Variants in FOXN4 observed in about 807,000 individuals in gnomAD.
FOXN4 encodes the protein forkhead box N4.
A neutral mutation model predicts 45.0 loss-of-function variants in FOXN4; 12 were observed. That is an observed-to-expected ratio of 0.27 (90% CI 0.17 to 0.43). The LOEUF is 0.43. FOXN4 is among the 20% of genes least tolerant of loss of function. The pLI is 1.00. For synonymous variants in FOXN4, 297 were observed against 295.0 expected (o/e 1.01, Z -0.07); for missense variants, 560 against 694.9 (o/e 0.81, Z 2.18).
At chr12:109,306,153 T>C (rs1049193454) in intron 2 of FOXN4, among the ~76,000 whole-genome samples, 6 of 152,110 alleles carry the variant, frequency 3.9e-5, no homozygotes, top group African/African-American at 1.4e-4. Context: ...GAGCCCTCCA[T>C]AGACGCGTCT....
rs144303717 is a variant in FOXN4, at chr12:109,288,924, T to C, written c.233-744A>G. On this transcript the variant is annotated intron_variant, in intron 3 of 9. Coordinates refer to ENST00000299162, the MANE Select transcript of FOXN4 (RefSeq NM_213596.3). This position sits in a 1 kb window ranked among gnomAD's most constrained non-coding sequence, Gnocchi z 4.3. ...TCTGTTTGTCTTGTCCTTCTCTCTC[T>C]GACCAGATCATCAGCTTTCTAAGAA... 2.4e-4 allele frequency among the ~76,000 whole-genome samples: 36 copies of C among 152,358 alleles called. No homozygotes were observed. The highest frequency in any genetic ancestry group is 4.0e-4 in the Non-Finnish European group (27 of 68,032).
chr12:109,308,731 T>C (rs1401822078), intron 1 of FOXN4, among the ~76,000 whole-genome samples: 2 of 151,550 alleles, frequency 1.3e-5, no homozygotes, highest in African/African-American at 4.9e-5. Context: ...GGATGTGACA[T>C]GTGTATTTCT....
Position 109,288,301 on chromosome 12 carries a change from A to G in FOXN4, c.233-121T>C. 2 of 1,352,578 alleles carry G rather than the reference A, an allele frequency of 1.5e-6. No individual in the cohort carries two copies. Among genetic ancestry groups the G allele is most frequent in the South Asian group, 1.4e-5 (1 of 71,118 alleles). The allele number at this position is 1,352,578 out of a possible 1,614,324, so 83.8% of individuals were successfully genotyped here. On this transcript the variant is annotated intron_variant, in intron 3 of 9. Transcript: ENST00000299162. The surrounding 1 kb of genome is among the most constrained non-coding windows in gnomAD (Gnocchi z 4.3). ...CAGCCCCTTTCCTCGGACCAGGCAC[A>G]TAGTAGGTGCTTGGCAAATCACTTC...
At chr12:109,305,573 A>T (rs1158471584) in intron 2 of FOXN4, among the ~76,000 whole-genome samples, 3 of 152,100 alleles carry the variant, frequency 2.0e-5, no homozygotes, top group African/African-American at 7.2e-5. Context: ...TCTACTAAAA[A>T]TAAAAAATTA....
At chr12:109,286,096 A>G (rs2047707632) in intron 7 of FOXN4, among the ~76,000 whole-genome samples, 1 of 152,176 alleles carries the variant, frequency 6.6e-6, no homozygotes, top group African/African-American at 2.4e-5. Flanking sequence ...GTGTGCACAC[A>G]CACTGTACTG....
chr12:109,287,793 C>A lies in FOXN4; in HGVS notation c.468+51G>T. The A allele has an allele frequency of 6.7e-7, 1 of 1,485,900 alleles. No individual in the cohort carries two copies. 92.0% of individuals were successfully genotyped at this position (1,485,900 alleles called of 1,614,324 possible). A position where few individuals can be genotyped will look rare whatever the true frequency, so the allele number is the denominator to read the frequency against. ...GGCTCAGAGGGGTCCCCGGCCAGCC[C>A]AAGGCAGGGTGTCTGCTGCTCAGTC... On this transcript the variant is annotated intron_variant, in intron 5 of 9. Transcript: ENST00000299162. The surrounding 1 kb of genome is among the most constrained non-coding windows in gnomAD (Gnocchi z 4.1).
At position 109,290,992 on chromosome 12, in the gene FOXN4, C is replaced by T. The variant is rs530718086; in HGVS notation, c.87-706G>A. ...ATGAGAAAACTGAGGCTTGGAGCACCGAGTCACCTGCCCAAGGCGACACAG... is the reference window on the plus strand; with the variant it reads ...ATGAGAAAACTGAGGCTTGGAGCACTGAGTCACCTGCCCAAGGCGACACAG... On this transcript the variant is annotated intron_variant, in intron 2 of 9. Transcript: ENST00000299162. The surrounding 1 kb of genome is among the most constrained non-coding windows in gnomAD (Gnocchi z 5.1). Among the ~76,000 whole-genome samples the T allele has an allele frequency of 7.2e-5, 11 of 152,080 alleles. No individual in the cohort carries two copies. The highest frequency in any genetic ancestry group is 1.0e-4 in the Non-Finnish European group (7 of 68,014).
chr12:109,287,457 G>A lies in FOXN4; in HGVS notation c.536C>T (p.Ala179Val), dbSNP rs1195542526. The A allele has an allele frequency of 1.9e-6, 3 of 1,551,230 alleles. No homozygotes were observed. The highest frequency in any genetic ancestry group is 2.7e-5 in the African/African-American group (2 of 73,056). The change falls in exon 6 of 10, where the codon GCT becomes GTT. Residue 179 changes from alanine to valine, a missense_variant. Transcript: ENST00000299162. This position sits in a 1 kb window ranked among gnomAD's most constrained non-coding sequence, Gnocchi z 4.1. ...GTGCAGTTCTTGAGATGAATGCACAGCCACGTGGGGCTGGGGGTAGGGGGG... is the reference window on the plus strand; with the variant it reads ...GTGCAGTTCTTGAGATGAATGCACAACCACGTGGGGCTGGGGGTAGGGGGG... Reference protein sequence around the residue: ...VRPPYPQPHVAVHSSQELHPK... With the variant: ...VRPPYPQPHVVVHSSQELHPK...
At position 109,279,558 on chromosome 12, in the gene FOXN4, T is replaced by C. The variant is rs1368821736; in HGVS notation, c.*113A>G. 6.1e-6 allele frequency: 9 copies of C among 1,477,104 alleles called. No homozygotes were observed. Among genetic ancestry groups the C allele is most frequent in the Non-Finnish European group, 8.2e-6 (9 of 1,103,374 alleles). The allele number at this position is 1,477,104 out of a possible 1,614,324, so 91.5% of individuals were successfully genotyped here. A position where few individuals can be genotyped will look rare whatever the true frequency, so the allele number is the denominator to read the frequency against. On this transcript the variant is annotated 3_prime_UTR_variant, in exon 10 of 10. Coordinates refer to ENST00000299162, the MANE Select transcript of FOXN4 (RefSeq NM_213596.3). ...GTCCAGCCGGCAACTTCGCCACAGG[T>C]CCAGGAGAGGCTTCGGGGACAATGA... is the stretch of plus-strand genomic sequence containing the variant.
rs1422747307 is a variant in FOXN4 at position 109,279,318 on chromosome 12, G to A, written c.*353C>T. ...CCAAAATGGGGTGCAGGTCACTGAG[G>A]TCACGCAGCCAGGATCCAGGATGGA... is the stretch of plus-strand genomic sequence containing the variant. On this transcript the variant is annotated 3_prime_UTR_variant, in exon 10 of 10. Transcript: ENST00000299162. 1 of 342,430 alleles carries A rather than the reference G, an allele frequency of 2.9e-6. No individual in the cohort carries two copies. The highest frequency in any genetic ancestry group is 5.6e-6 in the Non-Finnish European group (1 of 179,948). 21.2% of individuals were successfully genotyped at this position (342,430 alleles called of 1,614,324 possible).
chr12:109,280,025 G>A (rs1041808175), intron 9 of FOXN4, 95 bp from the exon 10 acceptor site: 3 of 1,532,590 alleles, frequency 2.0e-6, no homozygotes, highest in Non-Finnish European at 2.7e-6. Context: ...GACCATGTGT[G>A]GTGTCTAAGT....
chr12:109,287,796 G>T lies in FOXN4; in HGVS notation c.468+48C>A, dbSNP rs66482033. ...TCAGAGGGGTCCCCGGCCAGCCCAA[G>T]GCAGGGTGTCTGCTGCTCAGTCCAG... On this transcript the variant is annotated intron_variant, in intron 5 of 9. Coordinates refer to ENST00000299162, the MANE Select transcript of FOXN4 (RefSeq NM_213596.3). This position sits in a 1 kb window ranked among gnomAD's most constrained non-coding sequence, Gnocchi z 4.1. The T allele has an allele frequency of 0.19, 282,806 of 1,458,314 alleles. 28,177 individuals carry two copies. The highest frequency in any genetic ancestry group is 0.21 in the Middle Eastern group (882 of 4,270). The allele number at this position is 1,458,314 out of a possible 1,614,324, so 90.3% of individuals were successfully genotyped here. A position where few individuals can be genotyped will look rare whatever the true frequency, so the allele number is the denominator to read the frequency against.
At chr12:109,285,237 C>T (rs929650498) in intron 8 of FOXN4, 67 bp downstream of exon 8, 1 of 1,456,158 alleles carries the variant, frequency 6.9e-7, no homozygotes, top group Non-Finnish European at 9.3e-7. Flanking sequence ...CCAGGTCCTT[C>T]CTCTTCCGTG....
At position 109,279,764 on chromosome 12, in the gene FOXN4, C is replaced by T. The variant is rs377133210; in HGVS notation, c.1461G>A (p.Ala487=). 131 of 1,596,628 alleles carry T rather than the reference C, an allele frequency of 8.2e-5. No homozygotes were observed. The highest frequency in any genetic ancestry group is 2.1e-4 in the Admixed American group (12 of 56,928). ...PDLQVTGLYT[A]YSTPDSVAAS... is the part of the protein sequence containing the mutation. ...CAGCCACACTGTCCGGAGTGGAGTA[C>T]GCTGTGTAGAGACCCGTCACCTGCA... Residue 487 remains alanine (A), a synonymous_variant, in exon 10 of 10, where the codon GCG becomes GCA. Transcript: ENST00000299162.
intron 2 of FOXN4, among the ~76,000 whole-genome samples, chr12:109,300,712 C>A (rs1190037767): frequency 6.6e-6 from 1 of 152,062 alleles, no homozygotes; most frequent in Non-Finnish European, 1.5e-5. Context: ...AGTTCAAGAC[C>A]AGCCTGGACA....
At position 109,279,228 on chromosome 12, in the gene FOXN4, A is replaced by C. The variant is rs2047629994; in HGVS notation, c.*443T>G. ...CGGCTGAGGTTTGATCCACTCAGCC[A>C]TTTCCCATGAGGATGAATTCAAGGG... On this transcript the variant is annotated 3_prime_UTR_variant, in exon 10 of 10. Coordinates refer to ENST00000299162, the MANE Select transcript of FOXN4 (RefSeq NM_213596.3). 1 of 218,842 alleles carries C rather than the reference A, an allele frequency of 4.6e-6. No homozygotes were observed. The highest frequency in any genetic ancestry group is 9.2e-6 in the Non-Finnish European group (1 of 108,768). The allele number at this position is 218,842 out of a possible 1,614,324, so 13.6% of individuals were successfully genotyped here.
In FOXN4 at chr12:109,279,606, C is replaced by T; in HGVS notation, c.*65G>A. On this transcript the variant is annotated 3_prime_UTR_variant, in exon 10 of 10. Coordinates refer to ENST00000299162, the MANE Select transcript of FOXN4 (RefSeq NM_213596.3). The stretch of plus-strand genomic sequence containing the variant: ...TGAGGGACCTGCCTTCTGGGAACAC[C>T]CTGTTCTAGTCAGTTCTCTGCCCAA... The T allele has an allele frequency of 1.3e-6, 2 of 1,544,578 alleles. No homozygotes were observed. The highest frequency in any genetic ancestry group is 2.4e-5 in the East Asian group (1 of 40,824).
rs770392574 is a variant in FOXN4 at position 109,281,433 on chromosome 12, G to A, written c.1268C>T (p.Pro423Leu). The change falls in exon 9 of 10, where the codon CCG (proline) becomes CTG (leucine). Residue 423 changes from proline (P) to leucine (L), a missense_variant. Transcript: ENST00000299162. ...CTGCAGAGCGAAGTCCATGATGCTC[G>A]GGTCGAGGGCATCCACCTCAGTGTT... The part of the protein sequence containing the change: ...DMNTEVDALD[P>L]SIMDFALQGN... The A allele has an allele frequency of 6.8e-6, 11 of 1,613,846 alleles. No individual in the cohort carries two copies. The highest frequency in any genetic ancestry group is 4.5e-5 in the East Asian group (2 of 44,888).
chr12:109,285,264 TGTGTGTGTGTGC>T (rs1377752371), intron 8 of FOXN4, 28 bp downstream of exon 8: 3 of 1,548,386 alleles, frequency 1.9e-6, no homozygotes, highest in African/African-American at 2.8e-5. Flanking sequence ...TGTGTGTGTG[TGTGTGTGTGTGC>T]GCGCACTGCG....
Sources: gnomAD v4.1 joint callset for allele counts (sites outside exome capture counted in the v4.1 genomes callset) on GRCh38, gnomAD v4.1.1 for gene constraint, Gnocchi (gnomAD v3.1) non-coding constraint, MANE v1.5 for transcripts, NCBI Gene and HGNC (gene_info 2026-07-23, HGNC 2026-07-21) for gene names.